The following RAP1GAP2 variants were observed in gnomAD, a reference collection of about 807,000 sequenced individuals.
The protein encoded by RAP1GAP2 is RAP1 GTPase activating protein 2.
In RAP1GAP2, 27 loss-of-function variants were observed where a neutral mutation model predicts 95.0. The observed-to-expected ratio is 0.28, with a 90% CI of 0.21 to 0.39. The LOEUF (loss-of-function observed/expected upper bound fraction) is 0.39, where lower values mean the gene tolerates loss of function less well. Ranked by LOEUF, RAP1GAP2 falls within the 10% of genes least tolerant of loss-of-function variation. The pLI is 1.00. For synonymous variants in RAP1GAP2, 373 were observed against 380.9 expected (o/e 0.98, Z 0.24); for missense variants, 771 against 970.0 (o/e 0.79, Z 2.72).
At chr17:2,829,428 C>T (rs950742328) in intron 2 of RAP1GAP2, among the ~76,000 whole-genome samples, 4 of 152,030 alleles carry the variant, frequency 2.6e-5, no homozygotes, top group African/African-American at 4.8e-5. Flanking sequence ...GTGACCCCGT[C>T]GGTAGAAAAT....
intron 8 of RAP1GAP2, among the ~76,000 whole-genome samples, chr17:2,974,804 G>A (rs2045039042): frequency 6.6e-6 from 1 of 151,720 alleles, no homozygotes; most frequent in Non-Finnish European, 1.5e-5. Flanking sequence ...ACAGTCTATA[G>A]CAAATTAGTA....
chr17:2,795,645 C>T (rs1238125841), upstream of RAP1GAP2, among the ~76,000 whole-genome samples: 3 of 152,112 alleles, frequency 2.0e-5, no homozygotes, highest in Admixed American at 6.5e-5. Context: ...TGTGTACATG[C>T]GAATGCCCCT....
At chr17:2,781,278 T>C (rs769695708) in intron 1 of RAP1GAP2, among the ~76,000 whole-genome samples, 14 of 152,220 alleles carry the variant, frequency 9.2e-5, no homozygotes, top group Admixed American at 2.0e-4. Context: ...GCATGGGCAC[T>C]TGGGGGACTC....
intron 3 of RAP1GAP2, among the ~76,000 whole-genome samples, chr17:2,953,107 C>A (rs1567816635): frequency 1.3e-5 from 2 of 151,804 alleles, no homozygotes; most frequent in Admixed American, 6.6e-5. Flanking sequence ...CTGCACCAGA[C>A]CCCTCATTTA....
chr17:2,993,306 G>A (rs1344878271), intron 12 of RAP1GAP2, among the ~76,000 whole-genome samples: 2 of 151,816 alleles, frequency 1.3e-5, no homozygotes, highest in Admixed American at 1.3e-4. Context: ...GAGCGTGGTG[G>A]CTCACGCCTA....
chr17:2,920,652 A>G (rs1169676892), intron 3 of RAP1GAP2, among the ~76,000 whole-genome samples: 1 of 152,234 alleles, frequency 6.6e-6, no homozygotes, highest in Non-Finnish European at 1.5e-5. Context: ...TAAAGGAGGA[A>G]GCAGGCGGAC....
chr17:3,031,697 T>C (rs1383351321), intron 23 of RAP1GAP2, among the ~76,000 whole-genome samples: 2 of 144,854 alleles, frequency 1.4e-5, no homozygotes, highest in African/African-American at 5.2e-5. Flanking sequence ...TATCGAGAAC[T>C]CCAGGTCCAG....
Position 2,962,718 on chromosome 17 carries a change from G to C in RAP1GAP2, c.246+4G>C. The C allele has an allele frequency of 6.3e-7, 1 of 1,593,824 alleles. No homozygotes were observed. Among genetic ancestry groups the C allele is most frequent in the Non-Finnish European group, 8.5e-7 (1 of 1,172,462 alleles). On this transcript the variant is annotated splice_donor_region_variant and intron_variant, in intron 5 of 24. Transcript: ENST00000254695. ...GCCGGGACCCCAGAAGAACAAGGTG[G>C]GCTGGGTGGGTGAGGGGGTGGCCAG...
chr17:2,991,469 C>T (rs1597812679), intron 12 of RAP1GAP2, 72 bp downstream of exon 12: 1 of 1,167,876 alleles, frequency 8.6e-7, no homozygotes, highest in Non-Finnish European at 1.2e-6. Flanking sequence ...ACAGCTCAGT[C>T]CTCAGGGAGC....
At chr17:3,010,741 A>G (rs1241944187) in intron 17 of RAP1GAP2, among the ~76,000 whole-genome samples, 1 of 152,146 alleles carries the variant, frequency 6.6e-6, no homozygotes, top group Non-Finnish European at 1.5e-5. Flanking sequence ...TCTTTGATCC[A>G]GTGATCCAGG....
chr17:2,798,575 G>A (rs900336327), intron 1 of RAP1GAP2, among the ~76,000 whole-genome samples: 1 of 149,134 alleles, frequency 6.7e-6, no homozygotes, highest in Non-Finnish European at 1.5e-5. Context: ...AATCTCTGGG[G>A]CTGGTGTTTT....
At chr17:2,818,659 T>C (rs570760114) in intron 2 of RAP1GAP2, among the ~76,000 whole-genome samples, 3 of 152,310 alleles carry the variant, frequency 2.0e-5, no homozygotes, top group Non-Finnish European at 4.4e-5. Flanking sequence ...TTCACATTCA[T>C]ACACAGGTAT....
intron 17 of RAP1GAP2, among the ~76,000 whole-genome samples, chr17:3,015,604 G>A: frequency 6.6e-6 from 1 of 152,022 alleles, no homozygotes; most frequent in Non-Finnish European, 1.5e-5. Context: ...GGATCACGAG[G>A]TCAGGAGTTC....
chr17:2,936,068 T>C (rs920261838), intron 3 of RAP1GAP2, among the ~76,000 whole-genome samples: 6 of 151,818 alleles, frequency 4.0e-5, no homozygotes, highest in African/African-American at 1.5e-4. Context: ...CCTCTCCCTG[T>C]CTCCACCTCC....
At chr17:3,021,736 C>T (rs921243124) in intron 19 of RAP1GAP2, among the ~76,000 whole-genome samples, 2 of 152,210 alleles carry the variant, frequency 1.3e-5, no homozygotes, top group South Asian at 2.1e-4. Context: ...CACCCGGCCA[C>T]GGTATTTGTC....
chr17:2,820,619 CAA>C (rs528845347), intron 2 of RAP1GAP2, among the ~76,000 whole-genome samples: 18 of 87,000 alleles, frequency 2.1e-4, no homozygotes, highest in Non-Finnish European at 1.8e-4. Flanking sequence ...GACACCGTCT[CAA>C]AAAAAAAAAA....
chr17:2,961,890 ATTTTTTTT>A (rs34857082), intron 4 of RAP1GAP2, among the ~76,000 whole-genome samples: 1 of 111,978 alleles, frequency 8.9e-6, no homozygotes, highest in Non-Finnish European at 1.8e-5. Flanking sequence ...GACCCTAAGG[ATTTTTTTT>A]TTTTTTTTTT....
intron 2 of RAP1GAP2, among the ~76,000 whole-genome samples, chr17:2,771,479 C>CTTTTTTTTTTTTT (rs775623366): frequency 1.5e-5 from 2 of 131,778 alleles, no homozygotes; most frequent in African/African-American, 3.0e-5. Flanking sequence ...ATCAAAGCCA[C>CTTTTTTTTTTTTT]TTTTTTGTTT....
intron 3 of RAP1GAP2, among the ~76,000 whole-genome samples, chr17:2,913,041 A>G (rs28616629): frequency 0.25 from 37,475 of 151,982 alleles, 4,899 homozygotes; most frequent in Admixed American, 0.37. Context: ...AGCTGGGCCT[A>G]TTGGCTCATG....
Sources: allele counts gnomAD v4.1 joint callset (sites outside exome capture counted in the v4.1 genomes callset), GRCh38; gene constraint gnomAD v4.1.1; transcripts MANE v1.5; gene names NCBI Gene and HGNC (gene_info 2026-07-23, HGNC 2026-07-21).